Variants in DLG2 observed in about 807,000 individuals in gnomAD.
The protein encoded by DLG2 is disks large homolog 2.
In DLG2, 45 loss-of-function variants were observed where a neutral mutation model predicts 132.5. The ratio of observed to expected loss-of-function variants is 0.34; its 90% CI spans 0.27 to 0.44. DLG2 has a LOEUF of 0.44. Among genes scored for constraint, DLG2 ranks in the 20% least tolerant of loss-of-function variants. The pLI is 1.00. For missense variants in DLG2, 1,045 were observed against 1,196.9 expected, an observed-to-expected ratio of 0.87 and a Z score of 1.87; for synonymous variants, 424 against 419.6, an observed-to-expected ratio of 1.01 and a Z score of -0.13.
intron 7 of DLG2, among the ~76,000 whole-genome samples, chr11:84,505,866 C>T (rs1216351938): frequency 6.6e-6 from 1 of 152,054 alleles, no homozygotes; most frequent in Non-Finnish European, 1.5e-5. Flanking sequence ...CAATCTCATA[C>T]ATCTTAGCTT....
At chr11:84,486,203 A>G (rs2099150453) in intron 7 of DLG2, among the ~76,000 whole-genome samples, 1 of 151,934 alleles carries the variant, frequency 6.6e-6, no homozygotes, top group South Asian at 2.1e-4. Context: ...ATCTCAATAA[A>G]GGGTTGAGTG....
intron 19 of DLG2, among the ~76,000 whole-genome samples, chr11:83,622,557 C>T (rs971056577): frequency 6.6e-6 from 1 of 152,162 alleles, no homozygotes; most frequent in Non-Finnish European, 1.5e-5. Flanking sequence ...TATAAACTTT[C>T]CTTTTAACAC....
At chr11:84,714,623 T>TTCTCTTTC (rs2060951658) in intron 6 of DLG2, among the ~76,000 whole-genome samples, 3 of 104,994 alleles carry the variant, frequency 2.9e-5, no homozygotes, top group Non-Finnish European at 3.9e-5. Context: ...CTCTTTCTCT[T>TTCTCTTTC]TCTCTCTCTC....
intron 3 of DLG2, among the ~76,000 whole-genome samples, chr11:85,309,682 C>G (rs573536464): frequency 7.2e-5 from 11 of 152,212 alleles, no homozygotes; most frequent in African/African-American, 2.6e-4. Context: ...CACAAATTTA[C>G]CTGAATTTGT....
intron 3 of DLG2, among the ~76,000 whole-genome samples, chr11:85,569,252 A>G (rs150734476): frequency 0.023 from 3,504 of 152,064 alleles, 136 homozygotes; most frequent in African/African-American, 0.08. Context: ...GGCTGGCCTC[A>G]AACTCCTGAC....
chr11:84,270,914 A>G (rs2097713258), intron 7 of DLG2, among the ~76,000 whole-genome samples: 1 of 152,250 alleles, frequency 6.6e-6, no homozygotes, highest in Non-Finnish European at 1.5e-5. Context: ...TAGACTCAGC[A>G]TGATAGGATA....
chr11:83,465,176 C>T (rs949086767), intron 26 of DLG2, among the ~76,000 whole-genome samples: 4 of 152,084 alleles, frequency 2.6e-5, no homozygotes, highest in African/African-American at 9.7e-5. Flanking sequence ...AGTGACCTCC[C>T]GATCTTACTT....
chr11:84,798,691 A>G (rs982841452), intron 6 of DLG2, among the ~76,000 whole-genome samples: 1 of 152,192 alleles, frequency 6.6e-6, no homozygotes, highest in African/African-American at 2.4e-5. Context: ...CTGGTCCCTG[A>G]GGCCAGCACA....
chr11:85,598,053 A>G (rs2079904612), intron 3 of DLG2, among the ~76,000 whole-genome samples: 1 of 151,930 alleles, frequency 6.6e-6, no homozygotes, highest in Admixed American at 6.6e-5. Context: ...TTTCTTTACA[A>G]TCTTTAATAA....
chr11:83,906,089 A>C (rs868300203), intron 15 of DLG2, among the ~76,000 whole-genome samples: 2,433 of 75,144 alleles, frequency 0.032, 28 homozygotes, highest in African/African-American at 0.071. Flanking sequence ...CTCTATATAT[A>C]TATATATATA....
At chr11:83,650,463 C>A (rs372029597) in intron 18 of DLG2, among the ~76,000 whole-genome samples, 1 of 152,064 alleles carries the variant, frequency 6.6e-6, no homozygotes, top group African/African-American at 2.4e-5. Flanking sequence ...AGAGTCTTCA[C>A]GGGGGACTAG....
In DLG2 at chr11:84,518,622, A is replaced by G. The variant is rs532645029; in HGVS notation, c.519+15948T>C. 5.3e-5 allele frequency among the ~76,000 whole-genome samples: 8 copies of G among 152,182 alleles called. 1 individual carries two copies. The East Asian group carries it at 1.5e-3, about 29-fold the overall frequency. ...GTCAGCATCTGCTTTGCTGAGGCCC[A>G]TTTCATTTGATCATTTATTTGACAG... On this transcript the variant is annotated intron_variant, in intron 7 of 27. Coordinates refer to ENST00000376104, the MANE Select transcript of DLG2 (RefSeq NM_001142699.3).
At chr11:85,289,977 C>T (rs1488383480) in intron 3 of DLG2, among the ~76,000 whole-genome samples, 8 of 152,092 alleles carry the variant, frequency 5.3e-5, no homozygotes, top group South Asian at 2.1e-4. Context: ...AGTTTTTAAG[C>T]GCTATGCAAG....
chr11:85,561,885 T>C (rs2077269939), intron 3 of DLG2, among the ~76,000 whole-genome samples: 2 of 151,868 alleles, frequency 1.3e-5, no homozygotes, highest in African/African-American at 4.8e-5. Flanking sequence ...TAAAATCGCA[T>C]TTAATCCTTG....
At chr11:85,149,036 T>G (rs541217822) in intron 5 of DLG2, among the ~76,000 whole-genome samples, 2 of 152,282 alleles carry the variant, frequency 1.3e-5, no homozygotes, top group East Asian at 3.9e-4. Context: ...TTTTGTCTGG[T>G]TTGTTAAAGA....
chr11:85,332,012 T>C lies in DLG2; in HGVS notation c.41-46647A>G, dbSNP rs142180709. On this transcript the variant is annotated intron_variant, in intron 3 of 27. Coordinates refer to ENST00000376104, the MANE Select transcript of DLG2 (RefSeq NM_001142699.3). ...ATGGCATTGCTGGATTGAATGGTAA[T>C]TGTTTTAAGTTCTTTGAGAAATCTC... Among the ~76,000 whole-genome samples, 280 of 152,176 alleles carry C rather than the reference T, an allele frequency of 1.8e-3. 1 individual carries two copies. Among genetic ancestry groups the C allele is most frequent in the Non-Finnish European group, 3.0e-3 (207 of 67,916 alleles).
chr11:84,920,834 T>A (rs10792788), intron 6 of DLG2, among the ~76,000 whole-genome samples: 91,279 of 151,896 alleles, frequency 0.6, 27,951 homozygotes, highest in South Asian at 0.68. Context: ...ATAAAGGTCC[T>A]ATTAACAAAA....
intron 3 of DLG2, among the ~76,000 whole-genome samples, chr11:85,331,883 T>A (rs2081778561): frequency 6.6e-6 from 1 of 152,230 alleles, no homozygotes; most frequent in African/African-American, 2.4e-5. Flanking sequence ...GCATCTAGGT[T>A]AATTCCATGT....
At chr11:84,818,933 A>G (rs1196289506) in intron 6 of DLG2, among the ~76,000 whole-genome samples, 2 of 151,602 alleles carry the variant, frequency 1.3e-5, no homozygotes, top group Non-Finnish European at 2.9e-5. Flanking sequence ...CAGGCAGTCC[A>G]TTATCATCAT....
Sources: gnomAD v4.1 joint callset for allele counts (sites outside exome capture counted in the v4.1 genomes callset) on GRCh38, gnomAD v4.1.1 for gene constraint, MANE v1.5 for transcripts, NCBI Gene and HGNC (gene_info 2026-07-23, HGNC 2026-07-21) for gene names.